C1orf94: variants seen among roughly 807,000 people sequenced by gnomAD.
C1orf94 encodes chromosome 1 open reading frame 94, also known as uncharacterized protein C1orf94.
In C1orf94, 45 loss-of-function variants were observed where a neutral mutation model predicts 53.6. The ratio of observed to expected loss-of-function variants is 0.84; its 90% CI spans 0.66 to 1.08. The LOEUF (loss-of-function observed/expected upper bound fraction) is 1.08. C1orf94 is among the 50% of genes least tolerant of loss of function. The probability of loss-of-function intolerance (pLI) is 0.00; values close to 1 mark genes in which losing one functional copy is unlikely to be tolerated. For synonymous variants in C1orf94, 304 were observed against 296.1 expected, an observed-to-expected ratio of 1.03 and a Z score of -0.27; for missense variants, 762 against 738.9, an observed-to-expected ratio of 1.03 and a Z score of -0.36.
rs145032159 is a variant in C1orf94, at chr1:34,209,971, G to A, written c.1524+1737G>A. The stretch of plus-strand genomic sequence containing the variant: ...TTAATGGTTTTTTACATATTTTCCC[G>A]GCAATATCTATTTATATAAACATTT... On this transcript the variant is annotated intron_variant, in intron 5 of 6. Coordinates refer to ENST00000488417, the MANE Select transcript of C1orf94 (RefSeq NM_001134734.2). Among the ~76,000 whole-genome samples the A allele has an allele frequency of 2.6e-4, 40 of 152,098 alleles. 1 individual carries two copies. The highest frequency in any genetic ancestry group is 7.9e-4 in the Admixed American group (12 of 15,284).
chr1:34,205,260 C>T (rs1642774197), intron 4 of C1orf94, among the ~76,000 whole-genome samples: 1 of 152,140 alleles, frequency 6.6e-6, no homozygotes, highest in Non-Finnish European at 1.5e-5. Flanking sequence ...ACAGTTTAAG[C>T]ACTGAATGGG....
chr1:34,194,661 C>T (rs930548138), intron 1 of C1orf94, among the ~76,000 whole-genome samples: 1 of 152,120 alleles, frequency 6.6e-6, no homozygotes, highest in Non-Finnish European at 1.5e-5. Context: ...TCTTCTTTTC[C>T]CTCCTCCTGC....
intron 4 of C1orf94, among the ~76,000 whole-genome samples, chr1:34,205,085 T>A (rs927027064): frequency 3.9e-5 from 6 of 152,224 alleles, no homozygotes; most frequent in Non-Finnish European, 7.3e-5. Flanking sequence ...CTTTGCTATG[T>A]TAATTTCTTC....
At position 34,205,928 on chromosome 1, in the gene C1orf94, T is replaced by G. The variant is rs371203407; in HGVS notation, c.1447-2229T>G. On this transcript the variant is annotated intron_variant, in intron 4 of 6. Transcript: ENST00000488417. ...AGGGAGGGTGCGTGGGAAGGGACCA[T>G]GGCTTAAGCAAAGAACAGTGAATGT... Among the ~76,000 whole-genome samples, 4 of 152,306 alleles carry G rather than the reference T, an allele frequency of 2.6e-5. No homozygotes were observed. The South Asian group carries it at 8.3e-4, about 32-fold the overall frequency.
At chr1:34,211,585 C>T (rs1208400969) in intron 5 of C1orf94, among the ~76,000 whole-genome samples, 1 of 152,142 alleles carries the variant, frequency 6.6e-6, no homozygotes, top group African/African-American at 2.4e-5. Flanking sequence ...TTTAAATTAG[C>T]TAAAATTAAG....
At position 34,200,903 on chromosome 1, in the gene C1orf94, C is replaced by T; in HGVS notation, c.1141C>T (p.Leu381=). 1 of 1,614,160 alleles carries T rather than the reference C, an allele frequency of 6.2e-7. No homozygotes were observed. Among genetic ancestry groups the T allele is most frequent in the East Asian group, 2.2e-5 (1 of 44,886 alleles). The change falls in exon 3 of 7, where the codon CTG becomes TTG. Residue 381 remains leucine (L), a synonymous_variant. Coordinates refer to ENST00000488417, the MANE Select transcript of C1orf94 (RefSeq NM_001134734.2). ...CGCAGTGGGCACCGCATCACTGACC[C>T]TGCCGCCCAAGAAACCTACATGTCC... ...CDAVGTASLT[L]PPKKPTCPAE... is the part of the protein sequence containing the mutation.
In C1orf94 at chr1:34,212,230, G is replaced by T. The variant is rs775292187; in HGVS notation, c.1545G>T (p.Gln515His). ...TGCAGGTGATGCCATACAACCCACA[G>T]CAGATGGGACAGCAGATCTTCCGCT... ...YSQQVMPYNP[Q>H]QMGQQIFRSS... Residue 515 changes from glutamine (Q) to histidine (H), a missense_variant, in exon 6 of 7, where the codon CAG becomes CAT. By Grantham distance (24) the Gln-to-His change is conservative. Transcript: ENST00000488417. 49 of 1,612,210 alleles carry T rather than the reference G, an allele frequency of 3.0e-5. No homozygotes were observed. The highest frequency in any genetic ancestry group is 3.6e-5 in the Non-Finnish European group (43 of 1,179,144).
At chr1:34,208,099 G>A (rs1007094373) in intron 4 of C1orf94, 58 bp from the exon 5 acceptor site, 4 of 1,547,770 alleles carry the variant, frequency 2.6e-6, no homozygotes, top group Non-Finnish European at 3.6e-6. Flanking sequence ...CTGAGTAGCT[G>A]ATGCCTTCTG....
chr1:34,178,017 G>C lies in C1orf94; in HGVS notation c.228G>C (p.Leu76=). The C allele has an allele frequency of 6.4e-7, 1 of 1,551,754 alleles. No homozygotes were observed. The highest frequency in any genetic ancestry group is 1.2e-5 in the South Asian group (1 of 84,066). The change falls in exon 1 of 7, where the codon CTG becomes CTC. Residue 76 remains leucine (L), a synonymous_variant. Transcript: ENST00000488417. ...CHEIWKRVQG[L]PEASQPWTSM... Reference sequence around the variant, plus strand: ...AAATCTGGAAGAGAGTTCAAGGCCTGCCTGAGGCCTCACAGCCCTGGACCT... The same window carrying C: ...AAATCTGGAAGAGAGTTCAAGGCCTCCCTGAGGCCTCACAGCCCTGGACCT...
At chr1:34,190,059 G>T (rs551019174) in intron 1 of C1orf94, among the ~76,000 whole-genome samples, 4 of 152,128 alleles carry the variant, frequency 2.6e-5, no homozygotes, top group Non-Finnish European at 5.9e-5. Flanking sequence ...ATTCTCTAGG[G>T]TCAATTTGAG....
intron 6 of C1orf94, among the ~76,000 whole-genome samples, chr1:34,215,550 C>T (rs1448505266): frequency 2.6e-5 from 4 of 152,134 alleles, no homozygotes; most frequent in East Asian, 3.9e-4. Flanking sequence ...AAGGCAGTGA[C>T]CCTGGGAAAG....
At chr1:34,187,143 G>A (rs1023605905) in intron 1 of C1orf94, among the ~76,000 whole-genome samples, 1 of 152,092 alleles carries the variant, frequency 6.6e-6, no homozygotes, top group East Asian at 1.9e-4. Context: ...TAGGTGCCAG[G>A]CTCTATATTT....
intron 1 of C1orf94, among the ~76,000 whole-genome samples, chr1:34,183,661 G>A (rs541099297): frequency 2.6e-5 from 4 of 152,220 alleles, no homozygotes; most frequent in African/African-American, 9.6e-5. Context: ...TTTGAGATCA[G>A]CCTGGCTAAC....
intron 1 of C1orf94, among the ~76,000 whole-genome samples, chr1:34,188,746 G>A (rs1354218129): frequency 6.6e-6 from 1 of 152,146 alleles, no homozygotes. Flanking sequence ...CTGGGGGTGG[G>A]GAGGCCAAAG....
intron 1 of C1orf94, among the ~76,000 whole-genome samples, chr1:34,168,483 G>C (rs1235002718): frequency 6.6e-6 from 1 of 152,054 alleles, no homozygotes; most frequent in African/African-American, 2.4e-5. Flanking sequence ...TTAGGGGATG[G>C]CGAGGAGTTT....
chr1:34,218,630 T>C, intron 6 of C1orf94, 56 bp from the exon 7 acceptor site: 1 of 1,386,116 alleles, frequency 7.2e-7, no homozygotes, highest in Non-Finnish European at 1.0e-6. Context: ...ATTTTTCTAA[T>C]TCTCTCCGAT....
At chr1:34,214,399 A>G (rs556701010) in intron 6 of C1orf94, among the ~76,000 whole-genome samples, 106 of 152,338 alleles carry the variant, frequency 7.0e-4, no homozygotes, top group African/African-American at 2.5e-3. Flanking sequence ...AGATTTATGC[A>G]CATCAGAGTG....
chr1:34,190,190 A>G (rs537950694), intron 1 of C1orf94, among the ~76,000 whole-genome samples: 15 of 152,150 alleles, frequency 9.9e-5, no homozygotes, highest in African/African-American at 1.2e-4. Context: ...CACCTAGCAA[A>G]CTCCTCAAAA....
intron 2 of C1orf94, 39 bp from the exon 3 acceptor site, chr1:34,200,733 C>T (rs757355316): frequency 2.0e-5 from 32 of 1,610,098 alleles, no homozygotes; most frequent in East Asian, 1.3e-4. Flanking sequence ...CAGCACTTGG[C>T]CTTCCAGAGG....
Sources: gnomAD v4.1 joint callset for allele counts (sites outside exome capture counted in the v4.1 genomes callset) on GRCh38, gnomAD v4.1.1 for gene constraint, MANE v1.5 for transcripts, NCBI Gene and HGNC (gene_info 2026-07-23, HGNC 2026-07-21) for gene names.